EFCAB3: variants seen among roughly 807,000 people sequenced by gnomAD.
EFCAB3 encodes EF-hand calcium-binding domain-containing protein 3.
EFCAB3 carries 36 observed loss-of-function variants against 42.2 expected under a neutral mutation model. The observed-to-expected ratio is 0.85, with a 90% CI of 0.65 to 1.13. The LOEUF is 1.13. Among genes scored for constraint, EFCAB3 ranks in the 50% most tolerant of loss-of-function variants. EFCAB3 has a pLI of 0.00. For missense variants in EFCAB3, 418 were observed against 505.1 expected, an observed-to-expected ratio of 0.83 and a Z score of 1.65; for synonymous variants, 170 against 172.8, an observed-to-expected ratio of 0.98 and a Z score of 0.13.
At chr17:62,381,661 C>A in intron 1 of EFCAB3, 1 of 200,930 alleles carries the variant, frequency 5.0e-6, no homozygotes, top group African/African-American at 2.4e-5. Context: ...CGTAGACGCC[C>A]GCCCCCAGTG....
chr17:62,371,979 A>G (rs553343376), intron 1 of EFCAB3, among the ~76,000 whole-genome samples: 15 of 152,310 alleles, frequency 9.8e-5, no homozygotes, highest in Non-Finnish European at 1.8e-4. Context: ...TTAAAAGAGT[A>G]TATTGATTTA....
At chr17:62,389,718 TA>T (rs2070286201) in intron 3 of EFCAB3, among the ~76,000 whole-genome samples, 2 of 152,154 alleles carry the variant, frequency 1.3e-5, no homozygotes, top group African/African-American at 4.8e-5. Context: ...ATTTGAGCAA[TA>T]AAAATTAATA....
chr17:62,397,297 A>G, intron 6 of EFCAB3: 1 of 297,450 alleles, frequency 3.4e-6, no homozygotes, highest in Non-Finnish European at 6.5e-6. Context: ...AGGTGCATGG[A>G]TCACTTGAGT....
intron 1 of EFCAB3, among the ~76,000 whole-genome samples, chr17:62,370,919 C>T (rs995340518): frequency 6.6e-6 from 1 of 150,570 alleles, no homozygotes; most frequent in African/African-American, 2.5e-5. Flanking sequence ...GAAACCCTGT[C>T]TCTACAAAAA....
chr17:62,403,797 C>A (rs539686080), intron 6 of EFCAB3, among the ~76,000 whole-genome samples: 2 of 152,258 alleles, frequency 1.3e-5, no homozygotes, highest in Admixed American at 6.5e-5. Context: ...TACAAGCCTG[C>A]ACTACCATGC....
At chr17:62,392,742 A>G (rs192710066) in intron 4 of EFCAB3, among the ~76,000 whole-genome samples, 76 of 151,984 alleles carry the variant, frequency 5.0e-4, no homozygotes, top group African/African-American at 1.6e-3. Flanking sequence ...GGTTCACACC[A>G]TTCTCCTGCC....
chr17:62,401,755 T>G (rs2070405154), intron 6 of EFCAB3, among the ~76,000 whole-genome samples: 1 of 152,226 alleles, frequency 6.6e-6, no homozygotes, highest in Non-Finnish European at 1.5e-5. Flanking sequence ...TTGCTTAGGA[T>G]TGTCATGGCA....
intron 6 of EFCAB3, among the ~76,000 whole-genome samples, chr17:62,404,800 A>T (rs186978260): frequency 0.017 from 2,532 of 151,892 alleles, 70 homozygotes; most frequent in African/African-American, 0.057. Context: ...CCATCTCAAA[A>T]AATAATAATA....
At chr17:62,409,846 T>G in intron 8 of EFCAB3, among the ~76,000 whole-genome samples, 1 of 152,140 alleles carries the variant, frequency 6.6e-6, no homozygotes, top group Non-Finnish European at 1.5e-5. Flanking sequence ...AACTATATGT[T>G]TATAGTTATA....
chr17:62,400,722 A>G (rs1300485233), intron 6 of EFCAB3, among the ~76,000 whole-genome samples: 2 of 152,224 alleles, frequency 1.3e-5, no homozygotes, highest in African/African-American at 2.4e-5. Flanking sequence ...AGCATGATTT[A>G]TAATCATTTG....
At chr17:62,376,326 G>A (rs2070150476), upstream of EFCAB3, among the ~76,000 whole-genome samples, 1 of 151,994 alleles carries the variant, frequency 6.6e-6, no homozygotes, top group Non-Finnish European at 1.5e-5. Flanking sequence ...ACAAAAATTA[G>A]CCAGGCTTGG....
chr17:62,389,243 G>C (rs1033293574), intron 3 of EFCAB3, among the ~76,000 whole-genome samples: 5 of 152,232 alleles, frequency 3.3e-5, no homozygotes, highest in African/African-American at 1.2e-4. Flanking sequence ...GGGATGACTA[G>C]GGCAGGGAAG....
chr17:62,412,268 A>C (rs1407519892), intron 8 of EFCAB3, among the ~76,000 whole-genome samples: 1 of 145,282 alleles, frequency 6.9e-6, no homozygotes, highest in African/African-American at 2.5e-5. Flanking sequence ...CCCAGCTACT[A>C]GGGAGGCTGA....
At chr17:62,403,663 G>A (rs1304969594) in intron 6 of EFCAB3, among the ~76,000 whole-genome samples, 1 of 152,102 alleles carries the variant, frequency 6.6e-6, no homozygotes, top group Non-Finnish European at 1.5e-5. Context: ...TCTCCACAGA[G>A]TCTTGCTCTC....
At chr17:62,395,219 C>T in intron 6 of EFCAB3, 31 bp downstream of exon 6, 1 of 1,609,038 alleles carries the variant, frequency 6.2e-7, no homozygotes, top group Non-Finnish European at 8.5e-7. Flanking sequence ...CAAAAACAGC[C>T]TTCTCAGAAG....
chr17:62,403,584 G>A (rs901603356), intron 6 of EFCAB3, among the ~76,000 whole-genome samples: 1 of 152,142 alleles, frequency 6.6e-6, no homozygotes, highest in Non-Finnish European at 1.5e-5. Flanking sequence ...CTAACTTAAC[G>A]TGACATTTCA....
chr17:62,380,600 C>T lies in EFCAB3; in HGVS notation c.-31C>T, dbSNP rs573119561. The T allele has an allele frequency of 5.6e-5, 55 of 985,154 alleles. 1 individual carries two copies. The highest frequency in any genetic ancestry group is 2.3e-4 in the South Asian group (5 of 21,286). 61.0% of individuals were successfully genotyped at this position (985,154 alleles called of 1,614,324 possible). A position where few individuals can be genotyped will look rare whatever the true frequency, so the allele number is the denominator to read the frequency against. On this transcript the variant is annotated 5_prime_UTR_variant, in exon 1 of 10. In the 5' UTR this introduces an upstream ATG that the reference lacks. Transcript: ENST00000305286. Reference sequence around the variant, plus strand: ...TGAAGCCCAGAAGTGGTAGGTAGCACGGCTTAAAAGTAGGTAAATATCGTG... The same window carrying T: ...TGAAGCCCAGAAGTGGTAGGTAGCATGGCTTAAAAGTAGGTAAATATCGTG...
chr17:62,373,819 G>A (rs773752280), exon 2 of EFCAB3: 50 of 1,509,190 alleles, frequency 3.3e-5, no homozygotes, highest in Middle Eastern at 3.4e-4. Context: ...TACAGGAAAT[G>A]GAAAGATTAA....
chr17:62,397,180 C>G (rs2070357412), intron 6 of EFCAB3, among the ~76,000 whole-genome samples: 1 of 152,144 alleles, frequency 6.6e-6, no homozygotes, highest in Non-Finnish European at 1.5e-5. Context: ...TGTTATTTAT[C>G]TGGTTATTAT....
Sources: allele counts gnomAD v4.1 joint callset (sites outside exome capture counted in the v4.1 genomes callset), GRCh38; gene constraint gnomAD v4.1.1; transcripts MANE v1.5; gene names NCBI Gene and HGNC (gene_info 2026-07-23, HGNC 2026-07-21).